The following PDGFRL variants were observed in gnomAD, a reference collection of about 807,000 sequenced individuals.
PDGFRL encodes the protein platelet-derived growth factor receptor-like protein.
Under a neutral mutation model 37.2 loss-of-function variants are expected in PDGFRL, and 46 were observed. The ratio of observed to expected loss-of-function variants is 1.24; its 90% CI spans 0.98 to 1.58. PDGFRL has a LOEUF of 1.58. PDGFRL is among the 40% of genes most tolerant of loss of function. The pLI, the probability that PDGFRL is intolerant of heterozygous loss-of-function variation, is 0.00. For missense variants in PDGFRL, 692 were observed against 467.6 expected (o/e 1.48, Z -4.43); for synonymous variants, 251 against 184.3 (o/e 1.36, Z -2.93).
intron 1 of PDGFRL, among the ~76,000 whole-genome samples, chr8:17,585,721 C>G (rs1190234311): frequency 6.6e-6 from 1 of 152,108 alleles, no homozygotes; most frequent in Non-Finnish European, 1.5e-5. Context: ...ATATTAATGA[C>G]TGTGCTTAAC....
intron 2 of PDGFRL, among the ~76,000 whole-genome samples, chr8:17,606,640 T>TGGGA: frequency 6.6e-6 from 1 of 152,244 alleles, no homozygotes; most frequent in Middle Eastern, 3.4e-3. Flanking sequence ...CTTCCCCCAG[T>TGGGA]GTACTCAATG....
At chr8:17,592,554 C>T (rs924708746) in intron 2 of PDGFRL, among the ~76,000 whole-genome samples, 6 of 152,186 alleles carry the variant, frequency 3.9e-5, no homozygotes, top group African/African-American at 1.2e-4. Flanking sequence ...CCTCTAATCT[C>T]GATCAGACAC....
rs1804167429 is a variant in PDGFRL at position 17,601,582 on chromosome 8, T to A, written c.353+11817T>A. On this transcript the variant is annotated intron_variant, in intron 2 of 5. Transcript: ENST00000251630. Reference sequence around the variant, plus strand: ...TTCATTATCCAGGTAATAAGCTTAGTACCCGATAGGTAGTTTCTCAGTCCT... The same window carrying A: ...TTCATTATCCAGGTAATAAGCTTAGAACCCGATAGGTAGTTTCTCAGTCCT... Among the ~76,000 whole-genome samples, 10 of 152,298 alleles carry A rather than the reference T, an allele frequency of 6.6e-5. 1 individual carries two copies. In the South Asian group the frequency reaches 2.1e-3, roughly 32 times the overall value.
chr8:17,601,902 C>T (rs1804173421), intron 2 of PDGFRL, among the ~76,000 whole-genome samples: 1 of 152,132 alleles, frequency 6.6e-6, no homozygotes, highest in African/African-American at 2.4e-5. Flanking sequence ...CTTGTCTTTG[C>T]TCTTGTGACT....
intron 2 of PDGFRL, among the ~76,000 whole-genome samples, chr8:17,597,713 T>C (rs953088043): frequency 3.3e-5 from 5 of 152,158 alleles, no homozygotes; most frequent in Admixed American, 6.5e-5. Flanking sequence ...TCTCTAGGAT[T>C]GGAGGATGCA....
At chr8:17,594,015 C>T (rs570461613) in intron 2 of PDGFRL, among the ~76,000 whole-genome samples, 1 of 152,178 alleles carries the variant, frequency 6.6e-6, no homozygotes, top group Non-Finnish European at 1.5e-5. Context: ...TATGTGCCCA[C>T]TGAACCCCTC....
chr8:17,596,455 T>C, intron 2 of PDGFRL: 4 of 462,106 alleles, frequency 8.7e-6, no homozygotes, highest in Non-Finnish European at 1.4e-5. Context: ...ACAGAATTGA[T>C]ATAATTTAAA....
Position 17,589,611 on chromosome 8 carries a change from A to G in PDGFRL, c.199A>G (p.Ile67Val), listed in dbSNP as rs781773388. ...CAATTCAGCACCAAAGACGCAGTCT[A>G]TCATGATGCAAGTGCTGGATAAAGG... ...SANSAPKTQSIMMQVLDKGRF... is the reference protein window; with the variant it reads ...SANSAPKTQSVMMQVLDKGRF... The change falls in exon 2 of 6, where the codon ATC (isoleucine) becomes GTC (valine). Residue 67 changes from isoleucine to valine, a missense_variant. Ile to Val is a conservative substitution (Grantham distance 29). Coordinates refer to ENST00000251630, the MANE Select transcript of PDGFRL (RefSeq NM_001372073.1). 7 of 1,613,938 alleles carry G rather than the reference A, an allele frequency of 4.3e-6. No individual in the cohort carries two copies. The highest frequency in any genetic ancestry group is 2.2e-5 in the South Asian group (2 of 91,078).
At chr8:17,630,923 C>T (rs1344336787) in intron 4 of PDGFRL, among the ~76,000 whole-genome samples, 1 of 152,090 alleles carries the variant, frequency 6.6e-6, no homozygotes, top group African/African-American at 2.4e-5. Context: ...TTGCTCTGAG[C>T]TGCAGCATGG....
At chr8:17,630,056 C>A (rs1323543270) in intron 4 of PDGFRL, among the ~76,000 whole-genome samples, 1 of 152,168 alleles carries the variant, frequency 6.6e-6, no homozygotes, top group Non-Finnish European at 1.5e-5. Flanking sequence ...TGCCTGTACT[C>A]AGAGAGTTAA....
chr8:17,588,677 G>A (rs2705022), intron 1 of PDGFRL, among the ~76,000 whole-genome samples: 3,995 of 152,106 alleles, frequency 0.026, 137 homozygotes, highest in East Asian at 0.12. Context: ...CGTTTCTAAC[G>A]TTAAACACAA....
intron 1 of PDGFRL, among the ~76,000 whole-genome samples, chr8:17,581,602 C>T (rs1391121986): frequency 2.0e-5 from 3 of 151,952 alleles, no homozygotes; most frequent in East Asian, 3.9e-4. Flanking sequence ...AATGCCTTCC[C>T]TTGGGGATGT....
rs533789068 is a variant in PDGFRL, at chr8:17,577,678, C to G, written c.55+371C>G. Among the ~76,000 whole-genome samples the G allele has an allele frequency of 8.9e-4, 135 of 151,934 alleles. 1 individual carries two copies. The highest frequency in any genetic ancestry group is 3.2e-3 in the African/African-American group (133 of 41,432). On this transcript the variant is annotated intron_variant, in intron 1 of 5. Coordinates refer to ENST00000251630, the MANE Select transcript of PDGFRL (RefSeq NM_001372073.1). ...GCCTCGGATCGCTTCCACCTCCCAG[C>G]GGCGTGGCTGGGACCTCTGCTGCTG...
At chr8:17,607,964 G>T (rs1029079254) in intron 2 of PDGFRL, among the ~76,000 whole-genome samples, 1 of 152,228 alleles carries the variant, frequency 6.6e-6, no homozygotes, top group Non-Finnish European at 1.5e-5. Flanking sequence ...TGCCTTGGCG[G>T]CTCCGTCCCA....
At chr8:17,637,143 G>C (rs889092895) in intron 5 of PDGFRL, among the ~76,000 whole-genome samples, 1 of 152,126 alleles carries the variant, frequency 6.6e-6, no homozygotes, top group Non-Finnish European at 1.5e-5. Flanking sequence ...AGGACTTCCA[G>C]TACTATGTTG....
rs571630921 is a variant in PDGFRL, at chr8:17,588,289, T to C, written c.56-1179T>C. ...TTAGTATACACATAATATTTACTCT[T>C]TAATAATAAGCATTTTATTCTACCT... On this transcript the variant is annotated intron_variant, in intron 1 of 5. Coordinates refer to ENST00000251630, the MANE Select transcript of PDGFRL (RefSeq NM_001372073.1). Among the ~76,000 whole-genome samples, 9 of 152,292 alleles carry C rather than the reference T, an allele frequency of 5.9e-5. 1 individual carries two copies. The East Asian group carries it at 9.6e-4, about 16-fold the overall frequency.
chr8:17,590,046 C>G (rs1273674359), intron 2 of PDGFRL, among the ~76,000 whole-genome samples: 1 of 150,320 alleles, frequency 6.7e-6, no homozygotes, highest in African/African-American at 2.4e-5. Flanking sequence ...CCTGGCTAAC[C>G]CGGTGAAATC....
intron 5 of PDGFRL, among the ~76,000 whole-genome samples, chr8:17,637,955 G>A (rs1262521998): frequency 6.6e-6 from 1 of 151,782 alleles, no homozygotes; most frequent in African/African-American, 2.4e-5. Context: ...GGATCTTCTT[G>A]GTTAATTTTG....
intron 2 of PDGFRL, 104 bp from the exon 3 acceptor site, chr8:17,620,947 A>G: frequency 1.6e-6 from 1 of 624,726 alleles, no homozygotes; most frequent in Non-Finnish European, 2.5e-6. Context: ...CATCGGAGAA[A>G]GATTGGGGCA....
Sources: gnomAD v4.1 joint callset for allele counts (sites outside exome capture counted in the v4.1 genomes callset) on GRCh38, gnomAD v4.1.1 for gene constraint, MANE v1.5 for transcripts, NCBI Gene and HGNC (gene_info 2026-07-23, HGNC 2026-07-21) for gene names.